The following KCNH1 variants were observed in gnomAD, a reference collection of about 807,000 sequenced individuals.
KCNH1 encodes the protein voltage-gated delayed rectifier potassium channel KCNH1.
KCNH1 carries 27 observed loss-of-function variants against 69.2 expected under a neutral mutation model. That is an observed-to-expected ratio of 0.39 (90% confidence interval 0.29 to 0.54). The LOEUF (loss-of-function observed/expected upper bound fraction) is 0.54. Ranked by LOEUF, KCNH1 falls within the 20% of genes least tolerant of loss-of-function variation. The probability of loss-of-function intolerance (pLI) is 0.68; values close to 1 mark genes in which losing one functional copy is unlikely to be tolerated. For missense variants in KCNH1, 798 were observed against 1,261.6 expected (o/e 0.63, Z 5.57); for synonymous variants, 456 against 487.7 (o/e 0.93, Z 0.86).
At chr1:210,746,854 C>A (rs1683173401) in intron 10 of KCNH1, among the ~76,000 whole-genome samples, 1 of 152,122 alleles carries the variant, frequency 6.6e-6, no homozygotes, top group Non-Finnish European at 1.5e-5. Context: ...GCTATTACAA[C>A]CTTTTCTTAA....
At chr1:211,123,680 G>A (rs1271580947) in intron 1 of KCNH1, among the ~76,000 whole-genome samples, 1 of 152,158 alleles carries the variant, frequency 6.6e-6, no homozygotes, top group African/African-American at 2.4e-5. Context: ...GGGAATGAAG[G>A]GACATAGGGC....
At chr1:211,097,834 G>A (rs1280377850) in intron 3 of KCNH1, among the ~76,000 whole-genome samples, 3 of 152,220 alleles carry the variant, frequency 2.0e-5, no homozygotes, top group African/African-American at 7.2e-5. Flanking sequence ...CCAGATTCCA[G>A]GCCGCCAGCC....
intron 6 of KCNH1, among the ~76,000 whole-genome samples, chr1:211,013,831 T>C (rs1689443901): frequency 7.6e-6 from 1 of 131,340 alleles, no homozygotes; most frequent in South Asian, 2.4e-4. Context: ...CAAATTGCCG[T>C]CCTCCCAGTT....
intron 10 of KCNH1, among the ~76,000 whole-genome samples, chr1:210,692,490 C>G (rs1383541565): frequency 6.6e-6 from 1 of 152,146 alleles, no homozygotes; most frequent in Non-Finnish European, 1.5e-5. Flanking sequence ...TTTGTGCTCC[C>G]TCAGTGTAGT....
chr1:211,054,086 A>G (rs943354649), intron 5 of KCNH1, among the ~76,000 whole-genome samples: 3 of 151,812 alleles, frequency 2.0e-5, no homozygotes, highest in Non-Finnish European at 4.4e-5. Context: ...CCTGGCCAAC[A>G]TGGTGAAACC....
At chr1:210,750,247 G>T (rs1243519333) in intron 10 of KCNH1, among the ~76,000 whole-genome samples, 1 of 152,200 alleles carries the variant, frequency 6.6e-6, no homozygotes, top group Non-Finnish European at 1.5e-5. Context: ...GTTGTAGCAA[G>T]GATCCGATAA....
chr1:210,683,031 G>T lies in KCNH1; in HGVS notation c.*250C>A. On this transcript the variant is annotated 3_prime_UTR_variant, in exon 11 of 11. Transcript: ENST00000271751. This position sits in a 1 kb window ranked among gnomAD's most constrained non-coding sequence, Gnocchi z 5.7. ...AATGAAGGAAAATACCCTTTAGACA[G>T]CATGTCCCTTCTTCCAAAATTGTGC... is the stretch of plus-strand genomic sequence containing the variant. 1 of 531,654 alleles carries T rather than the reference G, an allele frequency of 1.9e-6. No homozygotes were observed. The highest frequency in any genetic ancestry group is 3.2e-5 in the East Asian group (1 of 30,992). The allele number at this position is 531,654 out of a possible 1,614,324, so 32.9% of individuals were successfully genotyped here.
At chr1:211,005,486 C>A (rs11806852) in intron 6 of KCNH1, among the ~76,000 whole-genome samples, 21,152 of 152,038 alleles carry the variant, frequency 0.14, 1,748 homozygotes, top group East Asian at 0.39. Context: ...AAGTGAAAGA[C>A]TGGACTGAAG....
At chr1:210,882,807 T>C (rs1686525297) in intron 7 of KCNH1, among the ~76,000 whole-genome samples, 1 of 152,300 alleles carries the variant, frequency 6.6e-6, no homozygotes, top group South Asian at 2.1e-4. Context: ...AAATCGATGC[T>C]TGCATCTAAA....
intron 4 of KCNH1, among the ~76,000 whole-genome samples, chr1:211,084,292 T>C (rs1690913245): frequency 6.6e-6 from 1 of 152,166 alleles, no homozygotes; most frequent in African/African-American, 2.4e-5. Flanking sequence ...AAGCTGAAAC[T>C]GGATTCTAAA....
intron 3 of KCNH1, among the ~76,000 whole-genome samples, chr1:211,094,479 G>A (rs1691110439): frequency 6.6e-6 from 1 of 152,200 alleles, no homozygotes; most frequent in Non-Finnish European, 1.5e-5. Flanking sequence ...TTATGTACTG[G>A]CTGCCTCAAA....
intron 5 of KCNH1, among the ~76,000 whole-genome samples, chr1:211,046,258 A>G (rs895683632): frequency 6.6e-6 from 1 of 152,228 alleles, no homozygotes; most frequent in Non-Finnish European, 1.5e-5. Context: ...AATATCAAGA[A>G]CATTCTTAAA....
chr1:210,987,370 A>G (rs1272815753), intron 6 of KCNH1, among the ~76,000 whole-genome samples: 2 of 151,944 alleles, frequency 1.3e-5, no homozygotes, highest in Non-Finnish European at 2.9e-5. Flanking sequence ...TGCTTTTTAG[A>G]GTTTCCAGTT....
chr1:211,014,599 C>T (rs78947234), intron 6 of KCNH1, among the ~76,000 whole-genome samples: 2,170 of 152,158 alleles, frequency 0.014, 22 homozygotes, highest in Middle Eastern at 0.048. Flanking sequence ...CTTTGGGTGG[C>T]TCCAATCTTT....
At chr1:210,948,087 A>G (rs1347067100) in intron 6 of KCNH1, among the ~76,000 whole-genome samples, 1 of 151,250 alleles carries the variant, frequency 6.6e-6, no homozygotes, top group Non-Finnish European at 1.5e-5. Context: ...GTGTGGTGGT[A>G]CATGCCTGTG....
In KCNH1 at chr1:211,021,468, C is replaced by A. The variant is rs186132274; in HGVS notation, c.559-2212G>T. 3.9e-3 allele frequency among the ~76,000 whole-genome samples: 593 copies of A among 152,014 alleles called. 3 individuals are homozygous for A. Among genetic ancestry groups the A allele is most frequent in the Middle Eastern group, 0.017 (5 of 294 alleles). ...TCAACATAGCACTGAAAGTCCCAGA[C>A]AGAACAATTAGGCAAGAGAAAGAAA... is the stretch of plus-strand genomic sequence containing the variant. On this transcript the variant is annotated intron_variant, in intron 5 of 10. Transcript: ENST00000271751.
intron 6 of KCNH1, among the ~76,000 whole-genome samples, chr1:210,970,195 C>T (rs1406982639): frequency 2.0e-5 from 3 of 151,828 alleles, no homozygotes; most frequent in South Asian, 2.1e-4. Flanking sequence ...TTTGCTGCAC[C>T]TATTAACCTG....
At chr1:210,846,260 C>T (rs1685544484) in intron 7 of KCNH1, among the ~76,000 whole-genome samples, 2 of 152,262 alleles carry the variant, frequency 1.3e-5, no homozygotes, top group South Asian at 4.1e-4. Context: ...AAAAAAGAGC[C>T]CGCATCGCCA....
chr1:210,798,848 A>T (rs1159130031), intron 8 of KCNH1, among the ~76,000 whole-genome samples: 2 of 152,222 alleles, frequency 1.3e-5, no homozygotes, highest in African/African-American at 4.8e-5. Flanking sequence ...TTATTTAAAG[A>T]CAGATATAAA....
Sources: gnomAD v4.1 joint callset for allele counts (sites outside exome capture counted in the v4.1 genomes callset) on GRCh38, gnomAD v4.1.1 for gene constraint, Gnocchi (gnomAD v3.1) non-coding constraint, MANE v1.5 for transcripts, NCBI Gene and HGNC (gene_info 2026-07-23, HGNC 2026-07-21) for gene names.